Variants in ADAMTS12 observed in about 807,000 individuals in gnomAD.
ADAMTS12 encodes the protein A disintegrin and metalloproteinase with thrombospondin motifs 12.
A neutral mutation model predicts 167.8 loss-of-function variants in ADAMTS12; 118 were observed. That is an observed-to-expected ratio of 0.70 (90% CI 0.61 to 0.82). ADAMTS12 has a LOEUF of 0.82. Ranked by LOEUF, ADAMTS12 falls within the 40% of genes least tolerant of loss-of-function variation. The pLI, the probability that ADAMTS12 is intolerant of heterozygous loss-of-function variation, is 0.00. For synonymous variants in ADAMTS12, 704 were observed against 716.9 expected, an observed-to-expected ratio of 0.98 and a Z score of 0.29; for missense variants, 1,916 against 1,998.8, an observed-to-expected ratio of 0.96 and a Z score of 0.79.
In ADAMTS12 at chr5:33,531,742, A is replaced by G. The variant is rs114577212; in HGVS notation, c.4606+3091T>C. ...CACCTAAATGACTGAAAGAGACTCA[A>G]CCAAGCCTGGAATCCTCACATGTTC... On this transcript the variant is annotated intron_variant, in intron 23 of 23. Transcript: ENST00000504830. Among the ~76,000 whole-genome samples the G allele has an allele frequency of 4.7e-3, 722 of 152,334 alleles. 3 individuals carry two copies. Among genetic ancestry groups the G allele is most frequent in the African/African-American group, 0.017 (688 of 41,578 alleles).
chr5:33,549,529 C>T (rs1298351028), intron 20 of ADAMTS12, 146 bp from the exon 21 acceptor site: 2 of 971,656 alleles, frequency 2.1e-6, no homozygotes, highest in Non-Finnish European at 1.5e-6. Context: ...CCTCCCACAC[C>T]ACAGAGCAGG....
chr5:33,608,406 C>T (rs1738555614), intron 16 of ADAMTS12, among the ~76,000 whole-genome samples: 1 of 152,162 alleles, frequency 6.6e-6, no homozygotes, highest in Non-Finnish European at 1.5e-5. Flanking sequence ...ATTTTAATGA[C>T]TACAATTCCT....
At chr5:33,803,305 G>A (rs1747079061) in intron 2 of ADAMTS12, among the ~76,000 whole-genome samples, 1 of 152,218 alleles carries the variant, frequency 6.6e-6, no homozygotes, top group Admixed American at 6.5e-5. Flanking sequence ...CACATTACTG[G>A]TGACCGGACA....
At chr5:33,543,647 A>G (rs1043080764) in intron 22 of ADAMTS12, among the ~76,000 whole-genome samples, 5 of 152,230 alleles carry the variant, frequency 3.3e-5, no homozygotes, top group African/African-American at 9.6e-5. Flanking sequence ...GGAGCACATC[A>G]AAAAGCTTAT....
intron 2 of ADAMTS12, among the ~76,000 whole-genome samples, chr5:33,835,023 G>A (rs144852720): frequency 3.3e-5 from 5 of 152,236 alleles, no homozygotes; most frequent in Non-Finnish European, 4.4e-5. Context: ...ATAAACAATA[G>A]TACTTTCCAT....
rs1022275164 is a variant in ADAMTS12 at position 33,689,225 on chromosome 5, T to G, written c.635-5170A>C. Among the ~76,000 whole-genome samples, 7 of 152,188 alleles carry G rather than the reference T, an allele frequency of 4.6e-5. No individual in the cohort carries two copies. The South Asian group carries it at 1.0e-3, about 22-fold the overall frequency. On this transcript the variant is annotated intron_variant, in intron 3 of 23. Coordinates refer to ENST00000504830, the MANE Select transcript of ADAMTS12 (RefSeq NM_030955.4). Reference sequence around the variant, plus strand: ...AGTAAATCTTATTGTCATTTTAAAATGAGAAAGCTGAGACACAGAGAGATT... The same window carrying G: ...AGTAAATCTTATTGTCATTTTAAAAGGAGAAAGCTGAGACACAGAGAGATT...
At chr5:33,699,318 G>A (rs1697231159) in intron 3 of ADAMTS12, among the ~76,000 whole-genome samples, 1 of 151,670 alleles carries the variant, frequency 6.6e-6, no homozygotes, top group African/African-American at 2.4e-5. Flanking sequence ...GAGAAAGGAT[G>A]GTCTTCTCGA....
intron 16 of ADAMTS12, among the ~76,000 whole-genome samples, chr5:33,613,178 T>C (rs941146163): frequency 6.6e-5 from 10 of 152,172 alleles, no homozygotes; most frequent in African/African-American, 2.4e-4. Context: ...CTGTCCTAGT[T>C]TTGCAGGTTG....
intron 2 of ADAMTS12, among the ~76,000 whole-genome samples, chr5:33,774,169 A>G (rs1449955765): frequency 1.3e-5 from 2 of 152,152 alleles, no homozygotes; most frequent in Admixed American, 6.5e-5. Context: ...CCAAACAAAA[A>G]ACATTTATTA....
At chr5:33,713,232 T>G (rs1037921480) in intron 3 of ADAMTS12, among the ~76,000 whole-genome samples, 1 of 152,152 alleles carries the variant, frequency 6.6e-6, no homozygotes, top group African/African-American at 2.4e-5. Flanking sequence ...CAGCACACAT[T>G]GTTTTATCAA....
chr5:33,530,352 TG>T (rs1478367641), intron 23 of ADAMTS12, among the ~76,000 whole-genome samples: 6 of 152,168 alleles, frequency 3.9e-5, no homozygotes, highest in African/African-American at 1.4e-4. Flanking sequence ...AGCAGAGCAG[TG>T]GGTGTTGTTC....
chr5:33,645,144 TTTA>T (rs145012036), intron 9 of ADAMTS12, among the ~76,000 whole-genome samples: 29,383 of 145,552 alleles, frequency 0.2, 3,164 homozygotes, highest in South Asian at 0.26. Flanking sequence ...AAATGCTTTA[TTTA>T]TTATTATTAT....
At chr5:33,557,824 C>T (rs889981475) in intron 20 of ADAMTS12, among the ~76,000 whole-genome samples, 3 of 152,114 alleles carry the variant, frequency 2.0e-5, no homozygotes, top group African/African-American at 7.2e-5. Context: ...TACAGCTGCT[C>T]CCCATTGCTC....
intron 2 of ADAMTS12, among the ~76,000 whole-genome samples, chr5:33,758,151 C>T (rs1745230468): frequency 6.6e-6 from 1 of 152,148 alleles, no homozygotes; most frequent in South Asian, 2.1e-4. Flanking sequence ...GCATATTGGG[C>T]TATTAGCTAT....
At chr5:33,667,086 T>C (rs1289972368) in intron 5 of ADAMTS12, among the ~76,000 whole-genome samples, 1 of 152,186 alleles carries the variant, frequency 6.6e-6, no homozygotes, top group East Asian at 1.9e-4. Context: ...CTAATGGTTT[T>C]CAAGTGGTAA....
intron 2 of ADAMTS12, among the ~76,000 whole-genome samples, chr5:33,811,096 T>C (rs1053391283): frequency 1.3e-5 from 2 of 152,202 alleles, no homozygotes; most frequent in African/African-American, 4.8e-5. Flanking sequence ...CTCTACGCAC[T>C]AGTTTCTGCA....
rs200764226 is a variant in ADAMTS12, at chr5:33,549,205, A to G, written c.4302+2T>C. On this transcript the variant is annotated splice_donor_variant, in intron 21 of 23. Coordinates refer to ENST00000504830, the MANE Select transcript of ADAMTS12 (RefSeq NM_030955.4). LOFTEE classifies it high-confidence loss of function. Reference sequence around the variant, plus strand: ...ACATCTCTCCCTTTGTGGGGGACCTACCTGGCTCCAAGGCTCCACCTGCCA... The same window carrying G: ...ACATCTCTCCCTTTGTGGGGGACCTGCCTGGCTCCAAGGCTCCACCTGCCA... 106 of 1,612,186 alleles carry G rather than the reference A, an allele frequency of 6.6e-5. No individual in the cohort carries two copies. Among genetic ancestry groups the G allele is most frequent in the Admixed American group, 1.3e-4 (8 of 59,952 alleles).
At chr5:33,593,447 G>A (rs1747746278) in intron 17 of ADAMTS12, among the ~76,000 whole-genome samples, 1 of 152,182 alleles carries the variant, frequency 6.6e-6, no homozygotes, top group Non-Finnish European at 1.5e-5. Context: ...AAGCTTTAGA[G>A]TCTTCATTTG....
intron 3 of ADAMTS12, among the ~76,000 whole-genome samples, chr5:33,698,953 T>G (rs887998000): frequency 6.6e-6 from 1 of 152,170 alleles, no homozygotes; most frequent in Non-Finnish European, 1.5e-5. Flanking sequence ...GGTCAGGAGT[T>G]CGAGACAAGC....
Sources: allele counts gnomAD v4.1 joint callset (sites outside exome capture counted in the v4.1 genomes callset), GRCh38; gene constraint gnomAD v4.1.1; transcripts MANE v1.5; gene names NCBI Gene and HGNC (gene_info 2026-07-23, HGNC 2026-07-21).